Variants in MCMDC2 observed in about 807,000 individuals in gnomAD.
MCMDC2 encodes the protein minichromosome maintenance domain-containing protein 2.
MCMDC2 carries 54 observed loss-of-function variants against 75.8 expected under a neutral mutation model. That is an observed-to-expected ratio of 0.71 (90% CI 0.57 to 0.89). The LOEUF (loss-of-function observed/expected upper bound fraction) is 0.89. MCMDC2 is among the 40% of genes least tolerant of loss of function. MCMDC2 has a pLI of 0.00. For synonymous variants in MCMDC2, 249 were observed against 274.6 expected, an observed-to-expected ratio of 0.91 and a Z score of 0.92; for missense variants, 656 against 780.4, an observed-to-expected ratio of 0.84 and a Z score of 1.90.
At position 66,877,384 on chromosome 8, in the gene MCMDC2, C is replaced by A. The variant is rs1296269957; in HGVS notation, c.321C>A (p.Pro107=). 1 of 1,611,736 alleles carries A rather than the reference C, an allele frequency of 6.2e-7. No individual in the cohort carries two copies. ...NIVLKLTHLP[P]LPSYGLDLCE... is the part of the protein sequence containing the mutation. ...TGCTGAAATTAACACATTTACCTCC[C>A]CTGCCAAGTTATGGTCTTGATCTTT... The change falls in exon 5 of 15, where the codon CCC becomes CCA. Residue 107 remains proline, a synonymous_variant. Transcript: ENST00000422365.
chr8:66,873,949 G>A, intron 1 of MCMDC2, 104 bp from the exon 2 acceptor site: 1 of 435,732 alleles, frequency 2.3e-6, no homozygotes, highest in Non-Finnish European at 4.0e-6. Context: ...GGGTAGGAAT[G>A]TTTTTAAGTT....
intron 7 of MCMDC2, among the ~76,000 whole-genome samples, chr8:66,879,250 A>G (rs1335231372): frequency 2.0e-5 from 3 of 151,296 alleles, no homozygotes; most frequent in Admixed American, 6.6e-5. Flanking sequence ...CAGTCTGGGC[A>G]ACAGAGAGAC....
intron 4 of MCMDC2, 72 bp from the exon 5 acceptor site, chr8:66,877,277 A>G: frequency 1.1e-6 from 1 of 952,000 alleles, no homozygotes; most frequent in Non-Finnish European, 1.6e-6. Context: ...TTTATAATAT[A>G]CTTACTATAT....
chr8:66,901,593 C>T, intron 13 of MCMDC2: 1 of 1,162,876 alleles, frequency 8.6e-7, no homozygotes, highest in Non-Finnish European at 1.1e-6. Flanking sequence ...TGAGATATGT[C>T]TGGGAAAAGT....
Position 66,899,537 on chromosome 8 carries a change from C to G in MCMDC2, c.1627-1669C>G, listed in dbSNP as rs1242197239. Among the ~76,000 whole-genome samples the G allele has an allele frequency of 2.6e-5, 4 of 152,054 alleles. No homozygotes were observed. The South Asian group carries it at 8.3e-4, about 32-fold the overall frequency. On this transcript the variant is annotated intron_variant, in intron 12 of 14. Transcript: ENST00000422365. Reference sequence around the variant, plus strand: ...TCTTTTTTCTTCTCTCGCTCTGTTACCAGGTTGGAGTGCAGAGGCGCCATC... The same window carrying G: ...TCTTTTTTCTTCTCTCGCTCTGTTAGCAGGTTGGAGTGCAGAGGCGCCATC...
intron 14 of MCMDC2, among the ~76,000 whole-genome samples, chr8:66,912,255 T>A (rs1813148199): frequency 1.3e-5 from 2 of 152,172 alleles, no homozygotes; most frequent in Admixed American, 1.3e-4. Context: ...GCAAGAGAAC[T>A]AGAATTAGAA....
chr8:66,874,284 A>G (rs758437543), intron 2 of MCMDC2, 42 bp from the exon 3 acceptor site: 1 of 1,608,064 alleles, frequency 6.2e-7, no homozygotes, highest in South Asian at 1.1e-5. Flanking sequence ...ATAAACTCCT[A>G]CACATAGCTA....
intron 9 of MCMDC2, among the ~76,000 whole-genome samples, chr8:66,889,744 T>C (rs1812011806): frequency 6.6e-6 from 1 of 152,070 alleles, no homozygotes; most frequent in South Asian, 2.1e-4. Flanking sequence ...GGTTGGAAGC[T>C]GAGATTGCTC....
intron 14 of MCMDC2, among the ~76,000 whole-genome samples, chr8:66,912,108 A>G (rs1268659215): frequency 1.3e-5 from 2 of 152,202 alleles, no homozygotes; most frequent in African/African-American, 2.4e-5. Context: ...GTGATTAAGA[A>G]CATTCATGAT....
chr8:66,872,532 T>G (rs1175836175), intron 1 of MCMDC2, among the ~76,000 whole-genome samples: 1 of 152,230 alleles, frequency 6.6e-6, no homozygotes, highest in African/African-American at 2.4e-5. Flanking sequence ...TAAATTGCCA[T>G]GTAACTGTTT....
intron 1 of MCMDC2, among the ~76,000 whole-genome samples, chr8:66,872,302 A>T (rs1049623359): frequency 6.6e-6 from 1 of 152,032 alleles, no homozygotes; most frequent in African/African-American, 2.4e-5. Flanking sequence ...CTTTCTCTTC[A>T]CCTCTCCTCC....
At chr8:66,872,957 CAAAAAAAAAAAAA>C (rs749748721) in intron 1 of MCMDC2, among the ~76,000 whole-genome samples, 59 of 40,136 alleles carry the variant, frequency 1.5e-3, no homozygotes, top group African/African-American at 4.7e-3. Flanking sequence ...GACTCCATCT[CAAAAAAAAAAAAA>C]AAAAAAAAAC....
At chr8:66,912,356 G>T (rs779665420) in intron 14 of MCMDC2, among the ~76,000 whole-genome samples, 3 of 152,230 alleles carry the variant, frequency 2.0e-5, no homozygotes, top group Non-Finnish European at 4.4e-5. Flanking sequence ...AAAGAAAGTG[G>T]TTTCTTGAGA....
chr8:66,901,158 T>C, intron 12 of MCMDC2, 48 bp from the exon 13 acceptor site: 2 of 1,392,252 alleles, frequency 1.4e-6, no homozygotes, highest in Non-Finnish European at 2.0e-6. Context: ...TCTGTTATAT[T>C]GATTCCATAA....
At chr8:66,904,733 A>T (rs934063684) in intron 13 of MCMDC2, among the ~76,000 whole-genome samples, 1 of 152,156 alleles carries the variant, frequency 6.6e-6, no homozygotes, top group African/African-American at 2.4e-5. Flanking sequence ...ATGCTAGGAG[A>T]GGTCCAAAAG....
chr8:66,914,746 G>A (rs1813239615), intron 14 of MCMDC2, among the ~76,000 whole-genome samples: 1 of 152,238 alleles, frequency 6.6e-6, no homozygotes, highest in South Asian at 2.1e-4. Context: ...TGGGAGACCA[G>A]TTGTTGTAGT....
At position 66,890,966 on chromosome 8, in the gene MCMDC2, C is replaced by G; in HGVS notation, c.1175C>G (p.Ala392Gly). 6.2e-7 allele frequency: 1 copy of G among 1,612,976 alleles called. No individual in the cohort carries two copies. Among genetic ancestry groups the G allele is most frequent in the Middle Eastern group, 1.7e-4 (1 of 6,060 alleles). Reference sequence around the variant, plus strand: ...TCCAGGAATAAGTATGGAACTGGAGCAGTTAGCATTCAGGCTGGCAGTGCT... The same window carrying G: ...TCCAGGAATAAGTATGGAACTGGAGGAGTTAGCATTCAGGCTGGCAGTGCT... ...TLSRNKYGTG[A>G]VSIQAGSALL... is the part of the protein sequence containing the mutation. The change falls in exon 10 of 15, where the codon GCA becomes GGA. Residue 392 changes from alanine to glycine, a missense_variant. Coordinates refer to ENST00000422365, the MANE Select transcript of MCMDC2 (RefSeq NM_173518.5).
chr8:66,885,951 G>C (rs1185849636), intron 9 of MCMDC2, among the ~76,000 whole-genome samples: 1 of 152,090 alleles, frequency 6.6e-6, no homozygotes, highest in Non-Finnish European at 1.5e-5. Context: ...CATTGTTTCT[G>C]TTGATGAGTA....
chr8:66,889,865 G>A (rs1157304227), intron 9 of MCMDC2, among the ~76,000 whole-genome samples: 1 of 150,522 alleles, frequency 6.6e-6, no homozygotes, highest in Non-Finnish European at 1.5e-5. Context: ...AGAAAACAAA[G>A]ACAAACAAAA....
Sources: allele counts gnomAD v4.1 joint callset (sites outside exome capture counted in the v4.1 genomes callset), GRCh38; gene constraint gnomAD v4.1.1; transcripts MANE v1.5; gene names NCBI Gene and HGNC (gene_info 2026-07-23, HGNC 2026-07-21).